Variants in SLC26A8 observed in about 807,000 individuals in gnomAD.
The protein encoded by SLC26A8 is testis anion transporter 1.
In SLC26A8, 70 loss-of-function variants were observed where a neutral mutation model predicts 105.0. The ratio of observed to expected loss-of-function variants is 0.67; its 90% CI spans 0.55 to 0.81. The LOEUF (loss-of-function observed/expected upper bound fraction) is 0.81. Ranked by LOEUF, SLC26A8 falls within the 40% of genes least tolerant of loss-of-function variation. The pLI, the probability that SLC26A8 is intolerant of heterozygous loss-of-function variation, is 0.00. For missense variants in SLC26A8, 998 were observed against 1,181.8 expected, an observed-to-expected ratio of 0.84 and a Z score of 2.28; for synonymous variants, 415 against 438.3, an observed-to-expected ratio of 0.95 and a Z score of 0.66.
At chr6:35,992,429 G>T in intron 6 of SLC26A8, 81 bp downstream of exon 6, 1 of 1,424,680 alleles carries the variant, frequency 7.0e-7, no homozygotes, top group Non-Finnish European at 9.6e-7. Flanking sequence ...AGGGGCGGGA[G>T]TCTCCCTACT....
intron 10 of SLC26A8, among the ~76,000 whole-genome samples, chr6:35,970,861 A>G (rs1459410279): frequency 6.6e-6 from 1 of 152,052 alleles, no homozygotes; most frequent in East Asian, 1.9e-4. Flanking sequence ...CCCCACCTCT[A>G]CTAAAAATAC....
At chr6:35,966,545 T>C (rs1339529105) in intron 11 of SLC26A8, among the ~76,000 whole-genome samples, 2 of 152,200 alleles carry the variant, frequency 1.3e-5, no homozygotes, top group Non-Finnish European at 2.9e-5. Context: ...GTTCTACATT[T>C]TTCTTCCTCA....
intron 8 of SLC26A8, among the ~76,000 whole-genome samples, chr6:35,977,839 C>T (rs912639451): frequency 6.6e-6 from 1 of 152,078 alleles, no homozygotes; most frequent in Non-Finnish European, 1.5e-5. Flanking sequence ...AATCCCAGCA[C>T]TTTGGGAGGC....
At chr6:35,944,432 A>G in intron 19 of SLC26A8, 92 bp from the exon 20 acceptor site, 1 of 831,914 alleles carries the variant, frequency 1.2e-6, no homozygotes, top group Non-Finnish European at 1.9e-6. Flanking sequence ...GCACTTTGAG[A>G]GGCTGGGGCA....
chr6:36,019,683 T>C lies in SLC26A8; in HGVS notation c.25A>G (p.Ile9Val). 1.2e-6 allele frequency: 2 copies of C among 1,613,876 alleles called. No individual in the cohort carries two copies. The highest frequency in any genetic ancestry group is 1.7e-6 in the Non-Finnish European group (2 of 1,179,850). The change falls in exon 2 of 20, where the codon ATC (isoleucine) becomes GTC (valine). Residue 9 changes from isoleucine to valine, a missense_variant. Transcript: ENST00000490799. ...CTGGACTTAGAGCTGAAGCCAGAGA[T>C]GGCGCTCCTCTCTAGTTGTGCCATT... MAQLERSA[I>V]SGFSSKSRRN...
At chr6:35,978,851 T>G (rs1412641767) in intron 8 of SLC26A8, among the ~76,000 whole-genome samples, 1 of 150,684 alleles carries the variant, frequency 6.6e-6, no homozygotes, top group Non-Finnish European at 1.5e-5. Flanking sequence ...CTTCTTTTTT[T>G]TTTTTTATAT....
chr6:35,952,248 C>G (rs1193277191), intron 17 of SLC26A8, among the ~76,000 whole-genome samples: 1 of 152,086 alleles, frequency 6.6e-6, no homozygotes, highest in Admixed American at 6.6e-5. Flanking sequence ...GTTTACTGAG[C>G]AGAGGAAGCA....
chr6:35,951,280 G>A lies in SLC26A8; in HGVS notation c.2355C>T (p.Phe785=). 6.2e-7 allele frequency: 1 copy of A among 1,614,088 alleles called. No individual in the cohort carries two copies. The highest frequency in any genetic ancestry group is 8.5e-7 in the Non-Finnish European group (1 of 1,180,012). ...ACAGCACGGCGTCGTGAACGCTGAG[G>A]AACAGCTGGGTCTTGGTGATGCCAG... ...FDAGITKTQL[F]LSVHDAVLFA... is the part of the protein sequence containing the mutation. The change falls in exon 19 of 20, where the codon TTC becomes TTT. Residue 785 remains phenylalanine (F), a synonymous_variant. Coordinates refer to ENST00000490799, the MANE Select transcript of SLC26A8 (RefSeq NM_052961.4).
At position 35,977,207 on chromosome 6, in the gene SLC26A8, G is replaced by C; in HGVS notation, c.1170C>G (p.Asn390Lys). The stretch of plus-strand genomic sequence containing the variant: ...GAGGAAGTAGTAGTCCTCTCACCTG[G>C]TTGGAATTGACACTGTAATTGTGAA... ...ASLHNYSVNS[N>K]QDLIAIGLCN... The change falls in exon 9 of 20, where the codon AAC (asparagine) becomes AAG (lysine). Residue 390 changes from asparagine (N) to lysine (K), a missense_variant. Coordinates refer to ENST00000490799, the MANE Select transcript of SLC26A8 (RefSeq NM_052961.4). The C allele has an allele frequency of 6.2e-7, 1 of 1,613,388 alleles. No individual in the cohort carries two copies. Among genetic ancestry groups the C allele is most frequent in the South Asian group, 1.1e-5 (1 of 90,958 alleles).
chr6:35,992,084 T>C (rs1761186763), intron 6 of SLC26A8, among the ~76,000 whole-genome samples: 1 of 152,212 alleles, frequency 6.6e-6, no homozygotes, highest in Non-Finnish European at 1.5e-5. Flanking sequence ...TATAAGCCAA[T>C]AGTTATTAGT....
intron 7 of SLC26A8, among the ~76,000 whole-genome samples, chr6:35,984,316 CTTAT>C (rs761012179): frequency 1.7e-4 from 16 of 95,984 alleles, no homozygotes; most frequent in African/African-American, 3.3e-4. Flanking sequence ...TCTTCTTCTT[CTTAT>C]TTTTTTTTTT....
chr6:35,973,777 G>A (rs933108088), intron 10 of SLC26A8, among the ~76,000 whole-genome samples: 4 of 152,186 alleles, frequency 2.6e-5, no homozygotes, highest in Non-Finnish European at 5.9e-5. Flanking sequence ...CTTTCCATGT[G>A]AAAGTTGACT....
chr6:36,024,045 C>A (rs9380542), intron 1 of SLC26A8, among the ~76,000 whole-genome samples: 2 of 147,190 alleles, frequency 1.4e-5, no homozygotes, highest in African/African-American at 5.1e-5. Flanking sequence ...GACACATCAA[C>A]GGCATTTGAC....
chr6:36,010,536 CTTT>C (rs1173055463), intron 3 of SLC26A8, among the ~76,000 whole-genome samples: 3 of 118,278 alleles, frequency 2.5e-5, no homozygotes, highest in African/African-American at 3.4e-5. Flanking sequence ...TATATGTATT[CTTT>C]TTTTTTTTTT....
intron 5 of SLC26A8, among the ~76,000 whole-genome samples, chr6:35,996,862 C>T (rs909058604): frequency 6.6e-6 from 1 of 151,984 alleles, no homozygotes; most frequent in Admixed American, 6.6e-5. Flanking sequence ...TGGTGAAACC[C>T]CTTCTCTACT....
intron 10 of SLC26A8, among the ~76,000 whole-genome samples, chr6:35,970,423 A>G (rs1309751733): frequency 6.6e-6 from 1 of 152,194 alleles, no homozygotes; most frequent in East Asian, 1.9e-4. Context: ...AGAGTAGTGT[A>G]GGAAGTACTC....
intron 7 of SLC26A8, 45 bp from the exon 8 acceptor site, chr6:35,982,248 A>G (rs771078644): frequency 6.3e-7 from 1 of 1,576,792 alleles, no homozygotes; most frequent in Non-Finnish European, 8.7e-7. Context: ...ATGAATACCT[A>G]AATATAGTGC....
chr6:35,962,981 T>G (rs1268583597), intron 11 of SLC26A8, among the ~76,000 whole-genome samples: 2 of 152,158 alleles, frequency 1.3e-5, no homozygotes, highest in Admixed American at 1.3e-4. Flanking sequence ...CTCTACATTT[T>G]TCTTTGCCCT....
chr6:35,977,318 A>G lies in SLC26A8; in HGVS notation c.1059T>C (p.Leu353=), dbSNP rs1324604491. ...AGGCTTGTAAAATTATCTTGGGAAG[A>G]AGGCTGAAATCTGGTGTTACAGGAA... ...FLLPVTPDFS[L]LPKIILQAFS... is the part of the protein sequence containing the mutation. The change falls in exon 9 of 20, where the codon CTT becomes CTC. Residue 353 remains leucine, a synonymous_variant. Coordinates refer to ENST00000490799, the MANE Select transcript of SLC26A8 (RefSeq NM_052961.4). 3 of 1,613,944 alleles carry G rather than the reference A, an allele frequency of 1.9e-6. No homozygotes were observed. In the East Asian group the frequency reaches 6.7e-5, roughly 36 times the overall value.
Sources: allele counts gnomAD v4.1 joint callset (sites outside exome capture counted in the v4.1 genomes callset), GRCh38; gene constraint gnomAD v4.1.1; transcripts MANE v1.5; gene names NCBI Gene and HGNC (gene_info 2026-07-23, HGNC 2026-07-21).